The following SLC22A24 variants were observed in gnomAD, a reference collection of about 807,000 sequenced individuals.
The protein encoded by SLC22A24 is steroid transmembrane transporter SLC22A24.
SLC22A24 carries 53 observed loss-of-function variants against 49.8 expected under a neutral mutation model. The observed-to-expected ratio is 1.06, with a 90% CI of 0.85 to 1.34. SLC22A24 has a LOEUF of 1.34. Among genes scored for constraint, SLC22A24 ranks in the 40% most tolerant of loss-of-function variants. The pLI is 0.00. For synonymous variants in SLC22A24, 302 were observed against 256.4 expected (o/e 1.18, Z -1.70); for missense variants, 786 against 675.9 (o/e 1.16, Z -1.81).
chr11:63,113,440 G>A (rs2087189433), intron 4 of SLC22A24, among the ~76,000 whole-genome samples: 1 of 151,728 alleles, frequency 6.6e-6, no homozygotes, highest in Non-Finnish European at 1.5e-5. Context: ...TTCCTGTAAG[G>A]CAGGCCCATT....
chr11:63,101,915 G>GT (rs2087093590), intron 5 of SLC22A24, among the ~76,000 whole-genome samples: 1 of 152,066 alleles, frequency 6.6e-6, no homozygotes, highest in Non-Finnish European at 1.5e-5. Flanking sequence ...GAGATAAAGA[G>GT]TAGAAGGATG....
chr11:63,119,266 G>A lies in SLC22A24; in HGVS notation c.576C>T (p.Phe192=), dbSNP rs117269586. ...QLAISNTCAA[F]APTFLVYCIL... is the part of the protein sequence containing the mutation. ...TGCAGTAAACAAGGAAGGTGGGAGC[G>A]AAGGCCGCACAGGTGTTAGAGATGG... The change falls in exon 3 of 10, where the codon TTC becomes TTT. Residue 192 remains phenylalanine (F), a synonymous_variant. Transcript: ENST00000612278. The A allele has an allele frequency of 0.02, 30,853 of 1,551,440 alleles. 385 individuals carry two copies. Among genetic ancestry groups the A allele is most frequent in the Middle Eastern group, 0.051 (304 of 5,988 alleles).
chr11:63,130,324 G>A (rs566726086), intron 2 of SLC22A24, among the ~76,000 whole-genome samples: 1 of 152,322 alleles, frequency 6.6e-6, no homozygotes, highest in East Asian at 1.9e-4. Context: ...CAGGGATGAA[G>A]CCCACTTGAT....
At chr11:63,113,030 A>ATATATATATATATATATATAT in intron 4 of SLC22A24, among the ~76,000 whole-genome samples, 1 of 42,674 alleles carries the variant, frequency 2.3e-5, no homozygotes, top group Non-Finnish European at 4.2e-5. Flanking sequence ...AAAAAAAAAA[A>ATATATATATATATATATATAT]AAAAAATATA....
Position 63,119,169 on chromosome 11 carries a change from T to A in SLC22A24, c.661+12A>T, listed in dbSNP as rs778595562. ...ACATGGAGATGATAAAATGCTCAAA[T>A]TATTGACTTACTGAGAATAAAAGTG... On this transcript the variant is annotated intron_variant, in intron 3 of 9. Coordinates refer to ENST00000612278, the MANE Select transcript of SLC22A24 (RefSeq NM_001136506.2). 4 of 1,532,072 alleles carry A rather than the reference T, an allele frequency of 2.6e-6. No homozygotes were observed. The highest frequency in any genetic ancestry group is 2.5e-5 in the South Asian group (2 of 80,398). The allele number at this position is 1,532,072 out of a possible 1,614,324, so 94.9% of individuals were successfully genotyped here. A position where few individuals can be genotyped will look rare whatever the true frequency, so the allele number is the denominator to read the frequency against.
In SLC22A24 at chr11:63,143,487, A is replaced by G; in HGVS notation, c.293T>C (p.Leu98Pro). The G allele has an allele frequency of 6.2e-7, 1 of 1,600,654 alleles. No individual in the cohort carries two copies. The highest frequency in any genetic ancestry group is 8.5e-7 in the Non-Finnish European group (1 of 1,173,706). ...GGGGAAGGTCCCGTTCAGGTGAAGG[A>G]GCTGCCACTGGGGATGGATAAAGCG... ...CQRFIHPQWQ[L>P]LHLNGTFPNT... The change falls in exon 1 of 10, where the codon CTC becomes CCC. Residue 98 changes from leucine (L) to proline (P), a missense_variant. Physicochemically the swap from Leu to Pro is moderately conservative, Grantham distance 98. Coordinates refer to ENST00000612278, the MANE Select transcript of SLC22A24 (RefSeq NM_001136506.2).
At chr11:63,084,232 T>A (rs1402238260) in intron 6 of SLC22A24, among the ~76,000 whole-genome samples, 1 of 152,130 alleles carries the variant, frequency 6.6e-6, no homozygotes. Flanking sequence ...GCCTGACATT[T>A]CTAAGCAGTC....
chr11:63,091,705 C>T (rs2087021381), intron 6 of SLC22A24, among the ~76,000 whole-genome samples: 1 of 152,144 alleles, frequency 6.6e-6, no homozygotes, highest in African/African-American at 2.4e-5. Flanking sequence ...TAAAATTCAA[C>T]ACCCTTTCAT....
At chr11:63,091,787 C>T (rs2087021843) in intron 6 of SLC22A24, among the ~76,000 whole-genome samples, 2 of 151,954 alleles carry the variant, frequency 1.3e-5, no homozygotes, top group Non-Finnish European at 1.5e-5. Flanking sequence ...TTTGACAAAT[C>T]CATAGCCAAT....
intron 6 of SLC22A24, among the ~76,000 whole-genome samples, chr11:63,087,024 G>GCGCA (rs376936925): frequency 2.9e-4 from 38 of 132,556 alleles, no homozygotes; most frequent in African/African-American, 1.0e-3. Flanking sequence ...CCTGGAGGGC[G>GCGCA]CACACACACA....
chr11:63,126,956 G>A (rs2087295629), intron 2 of SLC22A24, among the ~76,000 whole-genome samples: 1 of 152,064 alleles, frequency 6.6e-6, no homozygotes, highest in Non-Finnish European at 1.5e-5. Context: ...CAGTTTGTCT[G>A]TTATTGGTGT....
chr11:63,125,786 GTTC>G (rs760723830), intron 2 of SLC22A24, among the ~76,000 whole-genome samples: 2 of 152,192 alleles, frequency 1.3e-5, no homozygotes, highest in African/African-American at 4.8e-5. Flanking sequence ...GTGTAAAAGT[GTTC>G]TTATTTCTCC....
chr11:63,127,199 A>G (rs999980062), intron 2 of SLC22A24, among the ~76,000 whole-genome samples: 10 of 151,426 alleles, frequency 6.6e-5, no homozygotes, highest in African/African-American at 2.2e-4. Flanking sequence ...TCATTGTTCA[A>G]CTCCCACCTA....
At chr11:63,111,332 C>A (rs368308607) in intron 4 of SLC22A24, among the ~76,000 whole-genome samples, 2 of 151,834 alleles carry the variant, frequency 1.3e-5, no homozygotes, top group East Asian at 1.9e-4. Context: ...TGTCTCTGCC[C>A]GGCTTTGGTA....
At chr11:63,115,282 T>TC (rs1348189757) in intron 4 of SLC22A24, among the ~76,000 whole-genome samples, 1 of 151,960 alleles carries the variant, frequency 6.6e-6, no homozygotes, top group Admixed American at 6.6e-5. Context: ...CAGACACCCC[T>TC]CCCCCCATGA....
chr11:63,096,889 A>C (rs376373759), intron 5 of SLC22A24, among the ~76,000 whole-genome samples: 1 of 152,170 alleles, frequency 6.6e-6, no homozygotes, highest in African/African-American at 2.4e-5. Context: ...TAGTTTTCTT[A>C]TCATTTAGAA....
At chr11:63,140,848 GA>G (rs1253981747) in intron 1 of SLC22A24, among the ~76,000 whole-genome samples, 1 of 152,200 alleles carries the variant, frequency 6.6e-6, no homozygotes, top group Non-Finnish European at 1.5e-5. Flanking sequence ...TTCTGGTTTA[GA>G]GGGGGTTTTA....
rs765236381 is a variant in SLC22A24 at position 63,119,713 on chromosome 11, G to T, written c.507-378C>A. On this transcript the variant is annotated intron_variant, in intron 2 of 9. Transcript: ENST00000612278. ...AGAGCACTGAGGAGGGAAATCCAGA[G>T]ATCTGTTCTTGGGTCTCTGCACTGT... Among the ~76,000 whole-genome samples, 238 of 152,186 alleles carry T rather than the reference G, an allele frequency of 1.6e-3. 7 individuals carry two copies. The highest frequency in any genetic ancestry group is 4.1e-4 in the Non-Finnish European group (28 of 68,040).
At chr11:63,138,503 G>A (rs1370728967) in intron 1 of SLC22A24, among the ~76,000 whole-genome samples, 1 of 151,830 alleles carries the variant, frequency 6.6e-6, no homozygotes, top group African/African-American at 2.4e-5. Flanking sequence ...TTAGCCGGGT[G>A]TGGTGGCGGG....
Sources: gnomAD v4.1 joint callset for allele counts (sites outside exome capture counted in the v4.1 genomes callset) on GRCh38, gnomAD v4.1.1 for gene constraint, MANE v1.5 for transcripts, NCBI Gene and HGNC (gene_info 2026-07-23, HGNC 2026-07-21) for gene names.